C1orf50: variants seen among roughly 807,000 people sequenced by gnomAD.
The protein encoded by C1orf50 is uncharacterized protein C1orf50.
A neutral mutation model predicts 23.3 loss-of-function variants in C1orf50; 22 were observed. The observed-to-expected ratio is 0.94, with a 90% CI of 0.67 to 1.35. C1orf50 has a LOEUF of 1.35. C1orf50 is among the 40% of genes most tolerant of loss of function. The probability of loss-of-function intolerance (pLI) is 0.00; values close to 1 mark genes in which losing one functional copy is unlikely to be tolerated. For missense variants in C1orf50, 271 were observed against 249.4 expected, an observed-to-expected ratio of 1.09 and a Z score of -0.58; for synonymous variants, 96 against 102.4, an observed-to-expected ratio of 0.94 and a Z score of 0.38.
In C1orf50 at chr1:42,767,549, C is replaced by T; in HGVS notation, c.120C>T (p.Ala40=). The T allele has an allele frequency of 6.2e-7, 1 of 1,606,574 alleles. No homozygotes were observed. The highest frequency in any genetic ancestry group is 8.5e-7 in the Non-Finnish European group (1 of 1,177,394). The part of the protein sequence containing the change: ...VELTPTPGGL[A]LVSPYHTHRA... ...TCACCCCGACCCCCGGCGGCCTGGCCCTGGTGAGCCCCTACCACACCCACC... is the reference window on the plus strand; with the variant it reads ...TCACCCCGACCCCCGGCGGCCTGGCTCTGGTGAGCCCCTACCACACCCACC... Residue 40 remains alanine (A), a synonymous_variant, in exon 2 of 5, where the codon GCC becomes GCT. Transcript: ENST00000372525.
chr1:42,775,256 A>G lies in C1orf50; in HGVS notation c.462A>G (p.Leu154=), dbSNP rs753965019. The G allele has an allele frequency of 4.4e-6, 7 of 1,608,296 alleles. No homozygotes were observed. Among genetic ancestry groups the G allele is most frequent in the Non-Finnish European group, 5.1e-6 (6 of 1,175,214 alleles). Residue 154 remains leucine (L), a synonymous_variant, in exon 5 of 5, where the codon CTA becomes CTG. Coordinates refer to ENST00000372525, the MANE Select transcript of C1orf50 (RefSeq NM_024097.4). ...ATGACTTCCTTGGTGCCTACAAACT[A>G]CAGCATGACTTGTCCTGGACTCCGT... ...CPHDFLGAYK[L]QHDLSWTPYE...
rs1315134615 is a variant in C1orf50, at chr1:42,779,091, T to C, written c.*3697T>C. ...TTCTTAGAGCTACATAAAAGAATCA[T>C]AACAAGCTGGGCGCAGTGGCTCACG... On this transcript the variant is annotated 3_prime_UTR_variant, in exon 5 of 5. Coordinates refer to ENST00000372525, the MANE Select transcript of C1orf50 (RefSeq NM_024097.4). 1 of 145,506 alleles carries C rather than the reference T, an allele frequency of 6.9e-6. No individual in the cohort carries two copies. The highest frequency in any genetic ancestry group is 1.5e-5 in the Non-Finnish European group (1 of 67,050). 9.0% of individuals were successfully genotyped at this position (145,506 alleles called of 1,614,324 possible).
In C1orf50 at chr1:42,767,571, C is replaced by A; in HGVS notation, c.142C>A (p.His48Asn). Residue 48 changes from histidine (H) to asparagine (N), a missense_variant, in exon 2 of 5, where the codon CAC (histidine) becomes AAC (asparagine). By Grantham distance (68) the His-to-Asn change is moderately conservative (BLOSUM62 1). Coordinates refer to ENST00000372525, the MANE Select transcript of C1orf50 (RefSeq NM_024097.4). ...GLALVSPYHTHRAGDPLDLVA... is the reference protein window; with the variant it reads ...GLALVSPYHTNRAGDPLDLVA... ...GGCCCTGGTGAGCCCCTACCACACC[C>A]ACCGGGCCGGGGACCCCTTAGACCT... 1 of 1,611,544 alleles carries A rather than the reference C, an allele frequency of 6.2e-7. No individual in the cohort carries two copies. Among genetic ancestry groups the A allele is most frequent in the East Asian group, 2.2e-5 (1 of 44,846 alleles).
chr1:42,767,403 G>C lies in C1orf50; in HGVS notation c.79+13G>C, dbSNP rs775603492. The C allele has an allele frequency of 5.1e-6, 8 of 1,555,806 alleles. No individual in the cohort carries two copies. Among genetic ancestry groups the C allele is most frequent in the Non-Finnish European group, 6.9e-6 (8 of 1,151,318 alleles). On this transcript the variant is annotated intron_variant, in intron 1 of 4. Coordinates refer to ENST00000372525, the MANE Select transcript of C1orf50 (RefSeq NM_024097.4). ...GCAGGCCAGGGAGGTATGCGGGGCG[G>C]GAGTCAGCAGGGGGAAGTCAGCTCC... is the stretch of plus-strand genomic sequence containing the variant.
intron 2 of C1orf50, 71 bp from the exon 3 acceptor site, chr1:42,773,492 G>T: frequency 1.1e-6 from 1 of 937,592 alleles, no homozygotes; most frequent in Admixed American, 2.2e-5. Flanking sequence ...CATAACCCTG[G>T]GATCAAGATA....
At position 42,773,756 on chromosome 1, in the gene C1orf50, G is replaced by C. The variant is rs1653273112; in HGVS notation, c.282+107G>C. ...CTTTTTATGTCTTTAATACCTCCTAGAAATGTAGAGGTGTTGAGTAAAATA... is the reference window on the plus strand; with the variant it reads ...CTTTTTATGTCTTTAATACCTCCTACAAATGTAGAGGTGTTGAGTAAAATA... On this transcript the variant is annotated intron_variant, in intron 3 of 4. Coordinates refer to ENST00000372525, the MANE Select transcript of C1orf50 (RefSeq NM_024097.4). The C allele has an allele frequency of 1.1e-5, 7 of 662,564 alleles. No individual in the cohort carries two copies. In the South Asian group the frequency reaches 1.3e-4, roughly 12 times the overall value. 41.0% of individuals were successfully genotyped at this position (662,564 alleles called of 1,614,324 possible).
intron 2 of C1orf50, among the ~76,000 whole-genome samples, chr1:42,771,834 G>A (rs1440079238): frequency 6.6e-6 from 1 of 151,764 alleles, no homozygotes; most frequent in Non-Finnish European, 1.5e-5. Context: ...AAAAATTAGC[G>A]GGGCATGGTG....
intron 2 of C1orf50, among the ~76,000 whole-genome samples, chr1:42,767,885 T>G (rs1338743830): frequency 2.0e-5 from 3 of 152,238 alleles, no homozygotes; most frequent in African/African-American, 7.2e-5. Flanking sequence ...TTAGTGTTCA[T>G]TATTTCATTT....
At chr1:42,775,003 C>G (rs976428518) in intron 4 of C1orf50, 135 bp downstream of exon 4, 17 of 1,171,194 alleles carry the variant, frequency 1.5e-5, no homozygotes, top group Non-Finnish European at 1.9e-5. Flanking sequence ...CCAGACATGA[C>G]TCTAAAAAAT....
rs565057172 is a variant in C1orf50 at position 42,777,144 on chromosome 1, C to G, written c.*1750C>G. 1.3e-5 allele frequency: 2 copies of G among 152,348 alleles called. No homozygotes were observed. The highest frequency in any genetic ancestry group is 4.1e-4 in the South Asian group (2 of 4,822). The allele number at this position is 152,348 out of a possible 1,614,324, so 9.4% of individuals were successfully genotyped here. ...ACAGAGTCTCGCTGTATTGCCAGGC[C>G]TGAGTACAGTGGCTCAATCTCAGCT... is the stretch of plus-strand genomic sequence containing the variant. On this transcript the variant is annotated 3_prime_UTR_variant, in exon 5 of 5. Transcript: ENST00000372525.
rs1483513463 is a variant in C1orf50 at position 42,767,410 on chromosome 1, G to T, written c.79+20G>T. The T allele has an allele frequency of 6.4e-7, 1 of 1,555,576 alleles. No homozygotes were observed. The highest frequency in any genetic ancestry group is 1.4e-5 in the African/African-American group (1 of 73,534). ...AGGGAGGTATGCGGGGCGGGAGTCA[G>T]CAGGGGGAAGTCAGCTCCCGCGAGG... On this transcript the variant is annotated intron_variant, in intron 1 of 4. Coordinates refer to ENST00000372525, the MANE Select transcript of C1orf50 (RefSeq NM_024097.4).
intron 2 of C1orf50, among the ~76,000 whole-genome samples, chr1:42,771,962 G>A (rs1445056026): frequency 7.2e-6 from 1 of 139,680 alleles, no homozygotes; most frequent in Non-Finnish European, 1.5e-5. Context: ...GTGACAGAGC[G>A]AGACTCTGCC....
At chr1:42,774,923 G>C in intron 4 of C1orf50, 55 bp downstream of exon 4, 2 of 1,565,092 alleles carry the variant, frequency 1.3e-6, no homozygotes, top group Non-Finnish European at 1.7e-6. Flanking sequence ...AGAAATTCTT[G>C]GTATATGTGT....
intron 2 of C1orf50, 99 bp downstream of exon 2, chr1:42,767,723 C>A: frequency 9.2e-7 from 1 of 1,089,778 alleles, no homozygotes; most frequent in Non-Finnish European, 1.3e-6. Context: ...GTGGGGGTGG[C>A]ATTTGCTCTT....
At chr1:42,769,036 G>A (rs1268837375) in intron 2 of C1orf50, among the ~76,000 whole-genome samples, 1 of 152,164 alleles carries the variant, frequency 6.6e-6, no homozygotes, top group Non-Finnish European at 1.5e-5. Context: ...GGCCAAGGTG[G>A]GTGGATCATT....
rs200795156 is a variant in C1orf50, at chr1:42,775,370, C to G, written c.576C>G (p.Pro192=). ...TGGCCCTGCCTCCGTGCACTGAACC[C>G]AACTTCCAGGGACTGACTCACTGAG... ...QSVALPPCTE[P]NFQGLTH is the part of the protein sequence containing the mutation. Residue 192 remains proline (P), a synonymous_variant, in exon 5 of 5, where the codon CCC becomes CCG. Transcript: ENST00000372525. The G allele has an allele frequency of 6.3e-7, 1 of 1,598,736 alleles. No homozygotes were observed. The highest frequency in any genetic ancestry group is 8.6e-7 in the Non-Finnish European group (1 of 1,167,948).
Position 42,778,717 on chromosome 1 carries a change from A to T in C1orf50, c.*3323A>T, listed in dbSNP as rs1653386094. 6.6e-6 allele frequency: 1 copy of T among 152,282 alleles called. No homozygotes were observed. Among genetic ancestry groups the T allele is most frequent in the South Asian group, 2.1e-4 (1 of 4,828 alleles). The allele number at this position is 152,282 out of a possible 1,614,324, so 9.4% of individuals were successfully genotyped here. A position where few individuals can be genotyped will look rare whatever the true frequency, so the allele number is the denominator to read the frequency against. ...GAGGAAAAAACATTCCAGACAAAAA[A>T]TAACATGGAAGGGACATTGACCAGA... On this transcript the variant is annotated 3_prime_UTR_variant, in exon 5 of 5. Transcript: ENST00000372525.
chr1:42,768,400 C>T (rs925245136), intron 2 of C1orf50, among the ~76,000 whole-genome samples: 1 of 152,160 alleles, frequency 6.6e-6, no homozygotes, highest in Admixed American at 6.5e-5. Context: ...GATGGAGGGT[C>T]CTGCTGTTTT....
rs1317618022 is a variant in C1orf50 at position 42,767,616 on chromosome 1, G to T, written c.187G>T (p.Val63Leu). The T allele has an allele frequency of 6.2e-7, 1 of 1,610,976 alleles. No individual in the cohort carries two copies. Among genetic ancestry groups the T allele is most frequent in the Non-Finnish European group, 8.5e-7 (1 of 1,179,178 alleles). The part of the protein sequence containing the change: ...PLDLVALAEQ[V>L]QKADEFIRAN... ...AGACCTCGTGGCGCTCGCAGAGCAGGTGCAGAAGGTGAGGAGGCGCGGCCG... is the reference window on the plus strand; with the variant it reads ...AGACCTCGTGGCGCTCGCAGAGCAGTTGCAGAAGGTGAGGAGGCGCGGCCG... Residue 63 changes from valine to leucine, a missense_variant, in exon 2 of 5, where the codon GTG becomes TTG. By Grantham distance (32) the Val-to-Leu change is conservative. Coordinates refer to ENST00000372525, the MANE Select transcript of C1orf50 (RefSeq NM_024097.4).
Sources: gnomAD v4.1 joint callset for allele counts (sites outside exome capture counted in the v4.1 genomes callset) on GRCh38, gnomAD v4.1.1 for gene constraint, MANE v1.5 for transcripts, NCBI Gene and HGNC (gene_info 2026-07-23, HGNC 2026-07-21) for gene names.